FNDC3B: variants seen among roughly 807,000 people sequenced by gnomAD.
The protein encoded by FNDC3B is fibronectin type III domain-containing protein 3B.
Under a neutral mutation model 151.5 loss-of-function variants are expected in FNDC3B, and 12 were observed. That is an observed-to-expected ratio of 0.08 (90% confidence interval 0.05 to 0.13). The LOEUF (loss-of-function observed/expected upper bound fraction) is 0.13, where lower values mean the gene tolerates loss of function less well. Among genes scored for constraint, FNDC3B ranks in the 10% least tolerant of loss-of-function variants. The pLI is 1.00. For synonymous variants in FNDC3B, 528 were observed against 549.0 expected (o/e 0.96, Z 0.54); for missense variants, 1,214 against 1,505.3 (o/e 0.81, Z 3.20).
At chr3:172,255,103 C>T (rs1003567775) in intron 6 of FNDC3B, among the ~76,000 whole-genome samples, 4 of 152,192 alleles carry the variant, frequency 2.6e-5, no homozygotes, top group African/African-American at 9.6e-5. Flanking sequence ...TCTCTCTACT[C>T]TCCATCTGGC....
In FNDC3B at chr3:172,133,597, G is replaced by A. The variant is rs201913233; in HGVS notation, c.187+51G>A. 1,200 of 1,282,292 alleles carry A rather than the reference G, an allele frequency of 9.4e-4. 1 individual carries two copies. The highest frequency in any genetic ancestry group is 1.2e-3 in the Non-Finnish European group (1,066 of 878,556). The allele number at this position is 1,282,292 out of a possible 1,614,324, so 79.4% of individuals were successfully genotyped here. Reference sequence around the variant, plus strand: ...TAATCAAAGATTTTTTTCTTTATTTGAAGGAAGTAATGTTTTTCTGTGTGT... The same window carrying A: ...TAATCAAAGATTTTTTTCTTTATTTAAAGGAAGTAATGTTTTTCTGTGTGT... On this transcript the variant is annotated intron_variant, in intron 3 of 25. Transcript: ENST00000415807.
At chr3:172,046,353 TAC>T (rs1716371649) in intron 1 of FNDC3B, among the ~76,000 whole-genome samples, 1 of 152,162 alleles carries the variant, frequency 6.6e-6, no homozygotes, top group Non-Finnish European at 1.5e-5. Context: ...TTTTTTAAGA[TAC>T]AGTGTTTCAC....
intron 6 of FNDC3B, among the ~76,000 whole-genome samples, chr3:172,273,362 CAT>C (rs2108806394): frequency 6.6e-6 from 1 of 152,226 alleles, no homozygotes; most frequent in Non-Finnish European, 1.5e-5. Flanking sequence ...ATTCCTGTGT[CAT>C]AGAAAAAAAG....
At chr3:172,363,009 T>C (rs1021962495) in intron 23 of FNDC3B, among the ~76,000 whole-genome samples, 164 bp downstream of exon 23, 1 of 152,242 alleles carries the variant, frequency 6.6e-6, no homozygotes, top group African/African-American at 2.4e-5. Flanking sequence ...TCGTTCCTTT[T>C]ATTCTCTATT....
rs1452421253 is a variant in FNDC3B at position 172,229,111 on chromosome 3, AC to A, written c.264+2165del. Among the ~76,000 whole-genome samples the A allele has an allele frequency of 3.1e-4, 47 of 151,038 alleles. 1 individual carries two copies. The highest frequency in any genetic ancestry group is 6.6e-5 in the Admixed American group (1 of 15,164). ...CACACACACACACACACACACACAC[AC>A]ACACACACACACACACACACACACA... On this transcript the variant is annotated intron_variant, in intron 4 of 25. Coordinates refer to ENST00000415807, the MANE Select transcript of FNDC3B (RefSeq NM_022763.4).
chr3:172,167,735 T>C (rs1055144241), intron 3 of FNDC3B, among the ~76,000 whole-genome samples: 1 of 152,200 alleles, frequency 6.6e-6, no homozygotes, highest in Non-Finnish European at 1.5e-5. Flanking sequence ...ACCTGAGCTC[T>C]GCCTCCTGTC....
At chr3:172,386,052 A>G (rs1349080240) in intron 25 of FNDC3B, among the ~76,000 whole-genome samples, 1 of 152,158 alleles carries the variant, frequency 6.6e-6, no homozygotes, top group Non-Finnish European at 1.5e-5. Context: ...TTAAATTATT[A>G]CTCACAATTT....
intron 4 of FNDC3B, among the ~76,000 whole-genome samples, chr3:172,239,528 G>A (rs917685802): frequency 1.3e-5 from 2 of 152,084 alleles, no homozygotes; most frequent in East Asian, 1.9e-4. Flanking sequence ...ATCACACTAC[G>A]TATGTTTGTG....
chr3:172,335,030 C>T lies in FNDC3B; in HGVS notation c.1728C>T (p.Thr576=), dbSNP rs1267864603. 1.9e-6 allele frequency: 3 copies of T among 1,613,214 alleles called. No individual in the cohort carries two copies. In the African/African-American group the frequency reaches 4.0e-5, roughly 22 times the overall value. ...GTCCTGACAGGCCTGGACCTCCTAC[C>T]AGACCGCTTGTCAAAGGCCCAGTTA... is the stretch of plus-strand genomic sequence containing the variant. The part of the protein sequence containing the change: ...TTSPDRPGPP[T]RPLVKGPVTS... The change falls in exon 15 of 26, where the codon ACC becomes ACT. Residue 576 remains threonine, a synonymous_variant. Coordinates refer to ENST00000415807, the MANE Select transcript of FNDC3B (RefSeq NM_022763.4).
chr3:172,069,707 G>A (rs796286170), intron 1 of FNDC3B, among the ~76,000 whole-genome samples: 41 of 152,326 alleles, frequency 2.7e-4, no homozygotes, highest in African/African-American at 9.4e-4. Context: ...CACTGGGAGG[G>A]AGTTGTGGAA....
chr3:172,374,644 C>T (rs998450518), intron 23 of FNDC3B, among the ~76,000 whole-genome samples: 6 of 152,166 alleles, frequency 3.9e-5, no homozygotes, highest in African/African-American at 7.2e-5. Flanking sequence ...CCGCCCGCCT[C>T]GGCCTCCCAA....
intron 6 of FNDC3B, among the ~76,000 whole-genome samples, chr3:172,271,860 T>C (rs1306803590): frequency 3.9e-5 from 6 of 152,232 alleles, no homozygotes; most frequent in Non-Finnish European, 8.8e-5. Context: ...ACTGACAATT[T>C]GGAACAAGGA....
chr3:172,353,170 G>C, intron 22 of FNDC3B, 87 bp downstream of exon 22: 1 of 1,274,058 alleles, frequency 7.8e-7, no homozygotes, highest in Non-Finnish European at 1.1e-6. Flanking sequence ...CCAAGTGGAT[G>C]TCATCTCCCA....
chr3:172,212,726 A>G (rs896923052), intron 3 of FNDC3B, among the ~76,000 whole-genome samples: 2 of 152,210 alleles, frequency 1.3e-5, no homozygotes, highest in African/African-American at 2.4e-5. Flanking sequence ...ATCATGAACA[A>G]TTAAGTAACT....
At chr3:172,280,328 G>A (rs377274473) in intron 6 of FNDC3B, among the ~76,000 whole-genome samples, 83 of 152,048 alleles carry the variant, frequency 5.5e-4, no homozygotes, top group African/African-American at 1.9e-3. Flanking sequence ...CACATTTTTC[G>A]TTTTCACCTA....
At chr3:172,078,521 C>T (rs1435435638) in intron 1 of FNDC3B, among the ~76,000 whole-genome samples, 1 of 68,644 alleles carries the variant, frequency 1.5e-5, no homozygotes, top group East Asian at 6.5e-4. Context: ...GGAGCCAGGC[C>T]TGTGACTGCA....
Position 172,228,021 on chromosome 3 carries a change from C to T in FNDC3B, c.264+1074C>T, listed in dbSNP as rs182313082. ...TTTCAAGTGTAAGGCATATTGCAGC[C>T]ACTATAATTTCATTTTTTTCCATCC... On this transcript the variant is annotated intron_variant, in intron 4 of 25. Transcript: ENST00000415807. Among the ~76,000 whole-genome samples the T allele has an allele frequency of 3.5e-4, 54 of 152,188 alleles. No individual in the cohort carries two copies. In the East Asian group the frequency reaches 0.01, roughly 29 times the overall value.
At chr3:172,235,803 T>C (rs898124226) in intron 4 of FNDC3B, among the ~76,000 whole-genome samples, 4 of 152,242 alleles carry the variant, frequency 2.6e-5, no homozygotes, top group Admixed American at 1.3e-4. Context: ...TTTATGTTGA[T>C]GAATATGCCA....
chr3:172,312,567 A>G (rs746172060), intron 11 of FNDC3B, among the ~76,000 whole-genome samples: 1 of 151,216 alleles, frequency 6.6e-6, no homozygotes, highest in Non-Finnish European at 1.5e-5. Context: ...GTTTTTTCTC[A>G]TGTCTCGAGG....
Sources: allele counts gnomAD v4.1 joint callset (sites outside exome capture counted in the v4.1 genomes callset), GRCh38; gene constraint gnomAD v4.1.1; transcripts MANE v1.5; gene names NCBI Gene and HGNC (gene_info 2026-07-23, HGNC 2026-07-21).